OTUD3: variants seen among roughly 807,000 people sequenced by gnomAD.
The protein encoded by OTUD3 is OTU domain-containing protein 3.
In OTUD3, 24 loss-of-function variants were observed where a neutral mutation model predicts 46.2. The observed-to-expected ratio is 0.52, with a 90% CI of 0.38 to 0.73. OTUD3 has a LOEUF of 0.73. Among genes scored for constraint, OTUD3 ranks in the 30% least tolerant of loss-of-function variants. The probability of loss-of-function intolerance (pLI) is 0.00; values close to 1 mark genes in which losing one functional copy is unlikely to be tolerated. For missense variants in OTUD3, 455 were observed against 523.3 expected (o/e 0.87, Z 1.27); for synonymous variants, 189 against 195.4 (o/e 0.97, Z 0.27).
chr1:19,906,962 C>A lies in OTUD3; in HGVS notation c.1020+346C>A, dbSNP rs756842331. ...GCAATGAACACCTTTGTGTATAAAT[C>A]TTTGGTTTTTGCATTATTTTCTTGA... On this transcript the variant is annotated intron_variant, in intron 7 of 7. Transcript: ENST00000375120. The A allele has an allele frequency of 7.9e-5, 14 of 176,562 alleles. No individual in the cohort carries two copies. In the East Asian group the frequency reaches 1.9e-3, roughly 25 times the overall value. The allele number at this position is 176,562 out of a possible 1,614,324, so 10.9% of individuals were successfully genotyped here.
intron 2 of OTUD3, among the ~76,000 whole-genome samples, chr1:19,891,824 ATCACTGAGT>A (rs1256389933): frequency 1.3e-5 from 2 of 152,198 alleles, no homozygotes; most frequent in Non-Finnish European, 2.9e-5. Context: ...GTTTGTACCA[ATCACTGAGT>A]TCAGATGGTC....
chr1:19,906,710 T>TC, intron 7 of OTUD3, 94 bp downstream of exon 7: 1 of 1,172,856 alleles, frequency 8.5e-7, no homozygotes, highest in Admixed American at 2.8e-5. Context: ...GTATTTTCCT[T>TC]CTGATTTATA....
intron 6 of OTUD3, among the ~76,000 whole-genome samples, chr1:19,905,960 G>A (rs2045655393): frequency 6.6e-6 from 1 of 152,178 alleles, no homozygotes; most frequent in African/African-American, 2.4e-5. Flanking sequence ...GCACCCTCCA[G>A]TGATCTGTGC....
At chr1:19,890,629 A>G (rs1014406390) in intron 2 of OTUD3, 96 bp downstream of exon 2, 1 of 1,101,422 alleles carries the variant, frequency 9.1e-7, no homozygotes, top group African/African-American at 1.5e-5. Context: ...GGGTTTGGTT[A>G]TATAAATCAC....
chr1:19,893,002 GTT>G (rs1491573500), intron 2 of OTUD3, among the ~76,000 whole-genome samples: 2 of 151,936 alleles, frequency 1.3e-5, no homozygotes, highest in African/African-American at 2.4e-5. Context: ...CCATATTAGA[GTT>G]CTCTCTCTCT....
Position 19,887,082 on chromosome 1 carries a change from CTT to C in OTUD3, c.222-3288_222-3287del, listed in dbSNP as rs35763768. ...TCTCTCATATTTTCTTTTTCTTTTT[CTT>C]TTTTTTTTTTTTTTGGAGACATTAG... is the stretch of plus-strand genomic sequence containing the variant. On this transcript the variant is annotated intron_variant, in intron 1 of 7. Coordinates refer to ENST00000375120, the MANE Select transcript of OTUD3 (RefSeq NM_015207.2). 4.3e-4 allele frequency among the ~76,000 whole-genome samples: 57 copies of C among 133,462 alleles called. 1 individual carries two copies. The highest frequency in any genetic ancestry group is 4.8e-4 in the African/African-American group (17 of 35,548). The allele number at this position is 133,462 out of a possible 152,430, so 87.6% of individuals were successfully genotyped here. A position where few individuals can be genotyped will look rare whatever the true frequency, so the allele number is the denominator to read the frequency against.
In OTUD3 at chr1:19,906,589, CA is replaced by C; in HGVS notation, c.996del (p.Ala333GlnfsTer58). 1 of 1,612,076 alleles carries C rather than the reference CA, an allele frequency of 6.2e-7. No homozygotes were observed. The highest frequency in any genetic ancestry group is 8.5e-7 in the Non-Finnish European group (1 of 1,179,380). Reference sequence around the variant, plus strand: ...CACAGGCCAGCCCTAGTGAAGAAAACAAAGCAAATAAAAACCAGCTCGCAAA... The same window carrying C: ...CACAGGCCAGCCCTAGTGAAGAAAACAAGCAAATAAAAACCAGCTCGCAAA... ...KAQASPSEEN[K>X]ANKNQLAKVT... On this transcript the variant is annotated frameshift_variant, in exon 7 of 8. Transcript: ENST00000375120. LOFTEE classifies it high-confidence loss of function.
chr1:19,888,139 G>T (rs373153098), intron 1 of OTUD3, among the ~76,000 whole-genome samples: 1 of 152,332 alleles, frequency 6.6e-6, no homozygotes, highest in South Asian at 2.1e-4. Flanking sequence ...GGGGAGGGAG[G>T]TAGTGATGTG....
rs1474000667 is a variant in OTUD3, at chr1:19,908,125, A to G, written c.*379A>G. 2 of 163,576 alleles carry G rather than the reference A, an allele frequency of 1.2e-5. No individual in the cohort carries two copies. Among genetic ancestry groups the G allele is most frequent in the African/African-American group, 2.4e-5 (1 of 41,798 alleles). 10.1% of individuals were successfully genotyped at this position (163,576 alleles called of 1,614,324 possible). A position where few individuals can be genotyped will look rare whatever the true frequency, so the allele number is the denominator to read the frequency against. On this transcript the variant is annotated 3_prime_UTR_variant, in exon 8 of 8. Transcript: ENST00000375120. ...GTGAGTTTTGCTGTAATTGTTCATG[A>G]GTAGTTTAGAATAATTGTTAGAAAT...
At chr1:19,901,422 T>C (rs1015213118) in intron 4 of OTUD3, among the ~76,000 whole-genome samples, 1 of 152,214 alleles carries the variant, frequency 6.6e-6, no homozygotes, top group Non-Finnish European at 1.5e-5. Flanking sequence ...ATCTTTTATG[T>C]TTTCTAGTTG....
At chr1:19,906,639 G>T (rs2045665224) in intron 7 of OTUD3, 23 bp downstream of exon 7, 3 of 1,578,608 alleles carry the variant, frequency 1.9e-6, no homozygotes, top group African/African-American at 2.7e-5. Flanking sequence ...GGGTTGAATG[G>T]GCAGGTGGTG....
chr1:19,895,317 T>C (rs1400286015), intron 3 of OTUD3, among the ~76,000 whole-genome samples: 2 of 152,246 alleles, frequency 1.3e-5, no homozygotes, highest in Non-Finnish European at 2.9e-5. Context: ...CTTCATCCTT[T>C]TCCAAGTATA....
At position 19,909,534 on chromosome 1, in the gene OTUD3, A is replaced by G. The variant is rs61769079; in HGVS notation, c.*1788A>G. 0.052 allele frequency: 7,909 copies of G among 152,334 alleles called. 240 individuals are homozygous for G. The highest frequency in any genetic ancestry group is 0.085 in the Middle Eastern group (25 of 294). 9.4% of individuals were successfully genotyped at this position (152,334 alleles called of 1,614,324 possible). A position where few individuals can be genotyped will look rare whatever the true frequency, so the allele number is the denominator to read the frequency against. ...AGTGGGATCGAGTGCGTTAGGATCT[A>G]TGGTTGTCTTGGTTTTCAACTCTGG... On this transcript the variant is annotated 3_prime_UTR_variant, in exon 8 of 8. Coordinates refer to ENST00000375120, the MANE Select transcript of OTUD3 (RefSeq NM_015207.2).
In OTUD3 at chr1:19,904,984, A is replaced by T. The variant is rs2045638625; in HGVS notation, c.832A>T (p.Asn278Tyr). The change falls in exon 6 of 8, where the codon AAT becomes TAT. Residue 278 changes from asparagine to tyrosine, a missense_variant. By Grantham distance (143) the Asn-to-Tyr change is moderately radical. Coordinates refer to ENST00000375120, the MANE Select transcript of OTUD3 (RefSeq NM_015207.2). ...GCTTCGGATGAACCAAGGGAAGAGA[A>T]ATAGTAAGTCCATGACTAATATTTA... ...AVLRMNQGKRNNAEENLEPSG... is the reference protein window; with the variant it reads ...AVLRMNQGKRYNAEENLEPSG... The T allele has an allele frequency of 2.0e-6, 3 of 1,467,186 alleles. No homozygotes were observed. In the African/African-American group the frequency reaches 4.2e-5, roughly 20 times the overall value. The allele number at this position is 1,467,186 out of a possible 1,614,324, so 90.9% of individuals were successfully genotyped here.
chr1:19,903,391 A>T (rs2045618685), intron 4 of OTUD3, among the ~76,000 whole-genome samples: 1 of 152,132 alleles, frequency 6.6e-6, no homozygotes, highest in South Asian at 2.1e-4. Context: ...TCCTTTGGCT[A>T]AATTTCAAAA....
chr1:19,901,692 C>A (rs1229354490), intron 4 of OTUD3, among the ~76,000 whole-genome samples: 1 of 152,168 alleles, frequency 6.6e-6, no homozygotes, highest in Non-Finnish European at 1.5e-5. Context: ...TCCCCCTCTC[C>A]CCTAGCAGTC....
chr1:19,897,280 C>A (rs1289760024), intron 3 of OTUD3, among the ~76,000 whole-genome samples: 2 of 152,174 alleles, frequency 1.3e-5, no homozygotes, highest in African/African-American at 4.8e-5. Flanking sequence ...TATTTAACTT[C>A]ATCGCAAGTC....
In OTUD3 at chr1:19,910,338, T is replaced by C. The variant is rs1454218289; in HGVS notation, c.*2592T>C. 1 of 152,360 alleles carries C rather than the reference T, an allele frequency of 6.6e-6. No homozygotes were observed. Among genetic ancestry groups the C allele is most frequent in the Non-Finnish European group, 1.5e-5 (1 of 68,042 alleles). The allele number at this position is 152,360 out of a possible 1,614,324, so 9.4% of individuals were successfully genotyped here. A position where few individuals can be genotyped will look rare whatever the true frequency, so the allele number is the denominator to read the frequency against. On this transcript the variant is annotated 3_prime_UTR_variant, in exon 8 of 8. Transcript: ENST00000375120. ...AGAAAGGGGATGGAGCAGTGGTGCA[T>C]AGCTGCTTACTGCTCTTATAAACGG... is the stretch of plus-strand genomic sequence containing the variant.
At chr1:19,888,337 C>T (rs149162492) in intron 1 of OTUD3, among the ~76,000 whole-genome samples, 108 of 152,202 alleles carry the variant, frequency 7.1e-4, no homozygotes, top group African/African-American at 2.4e-3. Flanking sequence ...CTTTGGGCAG[C>T]GGTGCTTTGT....
Sources: gnomAD v4.1 joint callset for allele counts (sites outside exome capture counted in the v4.1 genomes callset) on GRCh38, gnomAD v4.1.1 for gene constraint, MANE v1.5 for transcripts, NCBI Gene and HGNC (gene_info 2026-07-23, HGNC 2026-07-21) for gene names.